Variants in SCNN1B observed in about 807,000 individuals in gnomAD.
SCNN1B encodes sodium channel epithelial 1 subunit beta.
In SCNN1B, 46 loss-of-function variants were observed where a neutral mutation model predicts 65.3. The ratio of observed to expected loss-of-function variants is 0.70; its 90% confidence interval spans 0.56 to 0.90. The LOEUF is 0.90. Among genes scored for constraint, SCNN1B ranks in the 40% least tolerant of loss-of-function variants. The pLI, the probability that SCNN1B is intolerant of heterozygous loss-of-function variation, is 0.00. For synonymous variants in SCNN1B, 349 were observed against 330.6 expected, an observed-to-expected ratio of 1.06 and a Z score of -0.60; for missense variants, 751 against 830.5, an observed-to-expected ratio of 0.90 and a Z score of 1.18.
chr16:23,308,851 C>T (rs1373501866), intron 1 of SCNN1B, among the ~76,000 whole-genome samples: 2 of 152,086 alleles, frequency 1.3e-5, no homozygotes, highest in African/African-American at 2.4e-5. Context: ...CAGGTGGCTG[C>T]GTCGGCCTCC....
At chr16:23,360,914 C>T (rs1175525462) in intron 4 of SCNN1B, among the ~76,000 whole-genome samples, 2 of 152,134 alleles carry the variant, frequency 1.3e-5, no homozygotes, top group African/African-American at 4.8e-5. Context: ...CCTGCCTCAG[C>T]CTCCCGAGTA....
chr16:23,316,028 A>ATCACCATCCCCATCC (rs1555484444), intron 1 of SCNN1B, among the ~76,000 whole-genome samples: 1 of 145,992 alleles, frequency 6.8e-6, no homozygotes, highest in African/African-American at 2.6e-5. Flanking sequence ...CATCATCACC[A>ATCACCATCCCCATCC]TCACCATCGC....
At chr16:23,278,999 T>C (rs908871063) in intron 1 of SCNN1B, among the ~76,000 whole-genome samples, 12 of 138,986 alleles carry the variant, frequency 8.6e-5, no homozygotes, top group African/African-American at 3.0e-4. Flanking sequence ...CTCACCTTAA[T>C]AAAAAAAAAG....
intron 1 of SCNN1B, among the ~76,000 whole-genome samples, chr16:23,339,856 C>G (rs1223458596): frequency 6.6e-6 from 1 of 151,986 alleles, no homozygotes; most frequent in Admixed American, 6.6e-5. Context: ...TGTGAGCCAC[C>G]GCGCCTGGCA....
At chr16:23,330,937 A>G (rs1240696276) in intron 1 of SCNN1B, among the ~76,000 whole-genome samples, 1 of 152,072 alleles carries the variant, frequency 6.6e-6, no homozygotes, top group Non-Finnish European at 1.5e-5. Flanking sequence ...ATGGCTTCAC[A>G]TCTGGAGACC....
At chr16:23,315,874 C>A (rs144782573) in intron 1 of SCNN1B, among the ~76,000 whole-genome samples, 1 of 152,206 alleles carries the variant, frequency 6.6e-6, no homozygotes, top group African/African-American at 2.4e-5. Flanking sequence ...CATAATAACC[C>A]TATCAAGTAG....
At chr16:23,358,164 C>T (rs1962459153) in intron 4 of SCNN1B, 1 of 152,258 alleles carries the variant, frequency 6.6e-6, no homozygotes, top group Non-Finnish European at 1.5e-5. Context: ...CTGTTGTCAA[C>T]ATAGCACCCT....
chr16:23,334,955 C>G (rs942991420), intron 1 of SCNN1B, among the ~76,000 whole-genome samples: 4 of 152,208 alleles, frequency 2.6e-5, no homozygotes, highest in Admixed American at 6.5e-5. Context: ...CTTTGCAAAT[C>G]TAATCACTGC....
intron 2 of SCNN1B, among the ~76,000 whole-genome samples, chr16:23,288,312 CTCCTT>C (rs937980452): frequency 2.0e-4 from 30 of 152,284 alleles, no homozygotes; most frequent in Admixed American, 1.1e-3. Flanking sequence ...TCTTGACTCT[CTCCTT>C]TTAATTACAA....
chr16:23,359,291 G>A (rs1962485201), intron 4 of SCNN1B: 1 of 152,196 alleles, frequency 6.6e-6, no homozygotes, highest in South Asian at 2.1e-4. Context: ...CACACAGTTG[G>A]TGAGTGGCAG....
intron 1 of SCNN1B, among the ~76,000 whole-genome samples, chr16:23,319,760 A>C (rs943494451): frequency 6.6e-6 from 1 of 151,840 alleles, no homozygotes; most frequent in Non-Finnish European, 1.5e-5. Context: ...TTATCTAGGA[A>C]ATGTTTTATT....
chr16:23,362,731 C>T (rs2142030597), intron 4 of SCNN1B, among the ~76,000 whole-genome samples: 1 of 152,358 alleles, frequency 6.6e-6, no homozygotes, highest in Admixed American at 6.5e-5. Flanking sequence ...GACCTGGCCA[C>T]ACCCCATGCA....
rs1406165553 is a variant in SCNN1B, at chr16:23,378,750, C to T, written c.1449C>T (p.Thr483=). The change falls in exon 11 of 13, where the codon ACC becomes ACT. Residue 483 remains threonine, a synonymous_variant. Coordinates refer to ENST00000343070, the MANE Select transcript of SCNN1B (RefSeq NM_000336.3). ...TGTCTCAGGAGCGGGACCAAAGCACCAATATCACCCTGAGCAGGTGAGCCT... is the reference window on the plus strand; with the variant it reads ...TGTCTCAGGAGCGGGACCAAAGCACTAATATCACCCTGAGCAGGTGAGCCT... The part of the protein sequence containing the change: ...HVLSQERDQS[T]NITLSRKGIV... The T allele has an allele frequency of 6.2e-7, 1 of 1,614,082 alleles. No individual in the cohort carries two copies. Among genetic ancestry groups the T allele is most frequent in the Admixed American group, 1.7e-5 (1 of 60,000 alleles).
chr16:23,375,699 G>T, intron 7 of SCNN1B, 39 bp from the exon 8 acceptor site: 2 of 1,390,388 alleles, frequency 1.4e-6, no homozygotes, highest in Non-Finnish European at 2.0e-6. Flanking sequence ...CACTGACCAT[G>T]CCTGTGTTCT....
At chr16:23,360,078 C>T (rs920755213) in intron 4 of SCNN1B, among the ~76,000 whole-genome samples, 1 of 151,908 alleles carries the variant, frequency 6.6e-6, no homozygotes, top group Admixed American at 6.6e-5. Context: ...TGGCTCACGC[C>T]TATAATCCCA....
chr16:23,293,525 G>A (rs1486180352), intron 2 of SCNN1B, among the ~76,000 whole-genome samples: 1 of 152,174 alleles, frequency 6.6e-6, no homozygotes, highest in African/African-American at 2.4e-5. Flanking sequence ...ATTGTTGAAT[G>A]GGTATAAAGT....
At chr16:23,317,602 C>T (rs573437434) in intron 1 of SCNN1B, among the ~76,000 whole-genome samples, 2 of 152,168 alleles carry the variant, frequency 1.3e-5, no homozygotes, top group East Asian at 1.9e-4. Context: ...CCAGGCTGCA[C>T]GGAGGAGCTC....
At chr16:23,379,829 G>A (rs987838423) in intron 11 of SCNN1B, among the ~76,000 whole-genome samples, 8 of 152,200 alleles carry the variant, frequency 5.3e-5, no homozygotes, top group Non-Finnish European at 7.3e-5. Context: ...GAAGGGCCGG[G>A]AAGGGCTGCA....
chr16:23,306,058 C>G (rs574896256), intron 1 of SCNN1B, among the ~76,000 whole-genome samples: 6 of 152,056 alleles, frequency 3.9e-5, no homozygotes, highest in Admixed American at 2.6e-4. Flanking sequence ...GCCTGGCCAA[C>G]GGGGTGAAGC....
Sources: gnomAD v4.1 joint callset for allele counts (sites outside exome capture counted in the v4.1 genomes callset) on GRCh38, gnomAD v4.1.1 for gene constraint, MANE v1.5 for transcripts, NCBI Gene and HGNC (gene_info 2026-07-23, HGNC 2026-07-21) for gene names.